Variants in LENG1 observed in about 807,000 individuals in gnomAD.
LENG1 encodes the protein leukocyte receptor cluster member 1, also known as leukocyte receptor cluster (LRC) member 1.
A neutral mutation model predicts 28.8 loss-of-function variants in LENG1; 35 were observed. The ratio of observed to expected loss-of-function variants is 1.22; its 90% CI spans 0.93 to 1.61. LENG1 has a LOEUF of 1.61. Ranked by LOEUF, LENG1 falls within the 40% of genes most tolerant of loss-of-function variation. The pLI is 0.00. For synonymous variants in LENG1, 170 were observed against 140.6 expected, an observed-to-expected ratio of 1.21 and a Z score of -1.48; for missense variants, 404 against 348.9, an observed-to-expected ratio of 1.16 and a Z score of -1.26.
chr19:54,157,961 C>T (rs1436748294), intron 2 of LENG1, among the ~76,000 whole-genome samples: 2 of 151,764 alleles, frequency 1.3e-5, no homozygotes, highest in Non-Finnish European at 2.9e-5. Flanking sequence ...CCACCCGCCT[C>T]AGCCTCCCAA....
chr19:54,159,330 G>A (rs192019936), intron 1 of LENG1, among the ~76,000 whole-genome samples: 15 of 152,394 alleles, frequency 9.8e-5, no homozygotes, highest in African/African-American at 3.6e-4. Context: ...CACTGTTCCA[G>A]CCATGTGAAA....
In LENG1 at chr19:54,155,506, A is replaced by T; in HGVS notation, c.*215T>A. On this transcript the variant is annotated 3_prime_UTR_variant, in exon 4 of 4. Transcript: ENST00000222224. The stretch of plus-strand genomic sequence containing the variant: ...GAAGACTGGAGGGAGGCCCCAAGCC[A>T]CGGGGCATCCCCCTCTCCCAGGAAG... The T allele has an allele frequency of 1.1e-6, 1 of 944,750 alleles. No homozygotes were observed. Among genetic ancestry groups the T allele is most frequent in the Non-Finnish European group, 1.6e-6 (1 of 634,708 alleles). The allele number at this position is 944,750 out of a possible 1,614,324, so 58.5% of individuals were successfully genotyped here.
At chr19:54,159,232 C>T (rs1396274328) in intron 1 of LENG1, among the ~76,000 whole-genome samples, 1 of 152,266 alleles carries the variant, frequency 6.6e-6, no homozygotes, top group African/African-American at 2.4e-5. Context: ...ATAGGCTGTG[C>T]AGGCAAACTA....
rs1045900855 is a variant in LENG1 at position 54,158,327 on chromosome 19, C to G, written c.267G>C (p.Val89=). The G allele has an allele frequency of 1.9e-6, 3 of 1,613,664 alleles. No individual in the cohort carries two copies. The South Asian group carries it at 3.3e-5, about 18-fold the overall frequency. ...CCTTGTACTCTTTATTGCCTCTGAT[C>G]ACTCCTTTCCCTTCCTCCAGCAGCT... is the stretch of plus-strand genomic sequence containing the variant. ...FRELLEEGKG[V]IRGNKEYKEE... Residue 89 remains valine, a synonymous_variant, in exon 2 of 4, where the codon GTG becomes GTC. Transcript: ENST00000222224.
chr19:54,157,071 G>A lies in LENG1; in HGVS notation c.313-46C>T, dbSNP rs754557026. The stretch of plus-strand genomic sequence containing the variant: ...AAGAGATGTGATATAATCTTTCAAG[G>A]TGTCAGGTGTGTCTCCCTGACACAG... On this transcript the variant is annotated intron_variant, in intron 2 of 3. Coordinates refer to ENST00000222224, the MANE Select transcript of LENG1 (RefSeq NM_024316.3). 20 of 1,436,894 alleles carry A rather than the reference G, an allele frequency of 1.4e-5. No individual in the cohort carries two copies. The South Asian group carries it at 2.6e-4, about 18-fold the overall frequency. The allele number at this position is 1,436,894 out of a possible 1,614,324, so 89.0% of individuals were successfully genotyped here. A position where few individuals can be genotyped will look rare whatever the true frequency, so the allele number is the denominator to read the frequency against.
chr19:54,158,130 T>C (rs1226770106), intron 2 of LENG1, 152 bp downstream of exon 2: 32 of 761,038 alleles, frequency 4.2e-5, no homozygotes, highest in South Asian at 2.6e-4. Context: ...CAGACGGCAA[T>C]AGCCAACGCT....
intron 1 of LENG1, among the ~76,000 whole-genome samples, chr19:54,159,117 G>C (rs1190511263): frequency 6.6e-6 from 1 of 152,178 alleles, no homozygotes; most frequent in African/African-American, 2.4e-5. Flanking sequence ...ATCTCACTTC[G>C]TGCAACAGAG....
At chr19:54,159,518 T>C (rs1230514647) in intron 1 of LENG1, 46 bp downstream of exon 1, 115 of 1,479,104 alleles carry the variant, frequency 7.8e-5, no homozygotes, top group African/African-American at 1.4e-4. Context: ...CCGCGGCGCC[T>C]GCGCGCTGGG....
chr19:54,155,737 G>C lies in LENG1; in HGVS notation c.779C>G (p.Pro260Arg). The C allele has an allele frequency of 1.2e-6, 2 of 1,611,238 alleles. No homozygotes were observed. The highest frequency in any genetic ancestry group is 1.7e-6 in the Non-Finnish European group (2 of 1,179,612). Residue 260 changes from proline to arginine, a missense_variant, in exon 4 of 4, where the codon CCT becomes CGT. Coordinates refer to ENST00000222224, the MANE Select transcript of LENG1 (RefSeq NM_024316.3). Reference sequence around the variant, plus strand: ...CCTCAGGAGTCAGTGAGTAAGGTGAGGGTCCTGCTGGCGGGGGCGCCGGGC... The same window carrying C: ...CCTCAGGAGTCAGTGAGTAAGGTGACGGTCCTGCTGGCGGGGGCGCCGGGC... ...QLARRPRQQD[P>R]HLTH
In LENG1 at chr19:54,155,744, G is replaced by A. The variant is rs768054770; in HGVS notation, c.772C>T (p.Gln258Ter). Residue 258 changes from glutamine to a stop codon, truncating the protein, a stop_gained, in exon 4 of 4, where the codon CAG becomes TAG. Transcript: ENST00000222224. LOFTEE classifies it high-confidence loss of function. ...AGTCAGTGAGTAAGGTGAGGGTCCT[G>A]CTGGCGGGGGCGCCGGGCCAGCTGG... ...NPQLARRPRQ[Q>*]DPHLTH 7 of 1,609,300 alleles carry A rather than the reference G, an allele frequency of 4.3e-6. No homozygotes were observed. Among genetic ancestry groups the A allele is most frequent in the Non-Finnish European group, 5.1e-6 (6 of 1,178,926 alleles).
intron 3 of LENG1, among the ~76,000 whole-genome samples, 197 bp downstream of exon 3, chr19:54,156,566 G>C (rs2075390889): frequency 6.6e-6 from 1 of 152,128 alleles, no homozygotes; most frequent in African/African-American, 2.4e-5. Flanking sequence ...AAATAGGCTT[G>C]ACACCACAGC....
Position 54,156,866 on chromosome 19 carries a change from G to A in LENG1, c.472C>T (p.Arg158Trp), listed in dbSNP as rs111616066. 95 of 1,598,336 alleles carry A rather than the reference G, an allele frequency of 5.9e-5. No homozygotes were observed. The highest frequency in any genetic ancestry group is 3.6e-4 in the East Asian group (16 of 44,386). Reference sequence around the variant, plus strand: ...TTCCCCAGATGCTTCTGCATCTCCCGCAGAGGGTCCAGACGGCTCTTGATC... The same window carrying A: ...TTCCCCAGATGCTTCTGCATCTCCCACAGAGGGTCCAGACGGCTCTTGATC... ...EKIKSRLDPL[R>W]EMQKHLGKKR... Residue 158 changes from arginine to tryptophan, a missense_variant, in exon 3 of 4, where the codon CGG becomes TGG. By Grantham distance (101) the Arg-to-Trp change is moderately radical. Transcript: ENST00000222224.
chr19:54,156,780 C>T lies in LENG1; in HGVS notation c.558G>A (p.Glu186=), dbSNP rs2146833434. ...CTTCTTACTCCTTGGGTCGCTGCTT[C>T]TCAGACCCCTCCTTTTCCTTTCTGC... ...SRSRKEKEGS[E]KQRPKEPPSL... Residue 186 remains glutamate, a synonymous_variant, in exon 3 of 4, where the codon GAG becomes GAA. Coordinates refer to ENST00000222224, the MANE Select transcript of LENG1 (RefSeq NM_024316.3). 1 of 1,613,358 alleles carries T rather than the reference C, an allele frequency of 6.2e-7. No individual in the cohort carries two copies. Among genetic ancestry groups the T allele is most frequent in the East Asian group, 2.2e-5 (1 of 44,860 alleles).
At position 54,156,911 on chromosome 19, in the gene LENG1, CGGGCGG is replaced by C. The variant is rs1568705835; in HGVS notation, c.421_426del (p.Pro141_Pro142del). ...TTGATCTTCTCATCTGGGGCTGGGC[CGGGCGG>C]GGGGCCCCCTCGCCCTGGGGGTAGC... is the stretch of plus-strand genomic sequence containing the variant. On this transcript the variant is annotated inframe_deletion, in exon 3 of 4. Coordinates refer to ENST00000222224, the MANE Select transcript of LENG1 (RefSeq NM_024316.3). 6 of 783,946 alleles carry C rather than the reference CGGGCGG, an allele frequency of 7.7e-6. No homozygotes were observed. Among genetic ancestry groups the C allele is most frequent in the Middle Eastern group, 5.1e-4 (2 of 3,908 alleles). 48.6% of individuals were successfully genotyped at this position (783,946 alleles called of 1,614,324 possible). A position where few individuals can be genotyped will look rare whatever the true frequency, so the allele number is the denominator to read the frequency against.
At chr19:54,155,964 G>A (rs1279525082) in intron 3 of LENG1, 24 bp from the exon 4 acceptor site, 5 of 1,585,476 alleles carry the variant, frequency 3.2e-6, no homozygotes, top group Non-Finnish European at 4.3e-6. Context: ...AGTGAGGTCA[G>A]AAAGCTGGTA....
chr19:54,158,542 T>C, intron 1 of LENG1, 81 bp from the exon 2 acceptor site: 4 of 1,391,026 alleles, frequency 2.9e-6, no homozygotes, highest in South Asian at 1.3e-5. Context: ...CCACAGAAAA[T>C]GGCAGTCCAG....
intron 3 of LENG1, 145 bp from the exon 4 acceptor site, chr19:54,156,085 C>T: frequency 1.4e-6 from 1 of 699,044 alleles, no homozygotes. Flanking sequence ...CTGGAAGCAG[C>T]CACTTGGTGC....
At chr19:54,159,204 A>G (rs2075452643) in intron 1 of LENG1, among the ~76,000 whole-genome samples, 1 of 152,260 alleles carries the variant, frequency 6.6e-6, no homozygotes, top group Non-Finnish European at 1.5e-5. Flanking sequence ...TAGTTAGCAT[A>G]CAGTAGATGC....
At chr19:54,157,551 T>C (rs1269617544) in intron 2 of LENG1, among the ~76,000 whole-genome samples, 1 of 151,806 alleles carries the variant, frequency 6.6e-6, no homozygotes, top group Non-Finnish European at 1.5e-5. Context: ...GTATTTTTAG[T>C]AGAGACGGGG....
Sources: allele counts gnomAD v4.1 joint callset (sites outside exome capture counted in the v4.1 genomes callset), GRCh38; gene constraint gnomAD v4.1.1; transcripts MANE v1.5; gene names NCBI Gene and HGNC (gene_info 2026-07-23, HGNC 2026-07-21).